Variants in RAPGEF6 observed in about 807,000 individuals in gnomAD.
RAPGEF6 encodes Rap guanine nucleotide exchange factor 6.
A neutral mutation model predicts 171.4 loss-of-function variants in RAPGEF6; 56 were observed. The ratio of observed to expected loss-of-function variants is 0.33; its 90% CI spans 0.26 to 0.41. RAPGEF6 has a LOEUF of 0.41. RAPGEF6 is among the 10% of genes least tolerant of loss of function. The pLI is 1.00. For synonymous variants in RAPGEF6, 692 were observed against 650.1 expected (o/e 1.06, Z -0.98); for missense variants, 1,674 against 1,921.4 (o/e 0.87, Z 2.41).
At chr5:131,554,568 G>A (rs554484478) in intron 5 of RAPGEF6, among the ~76,000 whole-genome samples, 42 of 152,204 alleles carry the variant, frequency 2.8e-4, no homozygotes, top group Non-Finnish European at 5.0e-4. Context: ...TGCCCAGGCT[G>A]GAGTGCAGTG....
rs1554079163 is a variant in RAPGEF6 at position 131,528,319 on chromosome 5, A to ATATATTTATATAT, written c.496-6799_496-6798insATATATAAATATA. Among the ~76,000 whole-genome samples, 129 of 49,776 alleles carry ATATATTTATATAT rather than the reference A, an allele frequency of 2.6e-3. 2 individuals carry two copies. Among genetic ancestry groups the ATATATTTATATAT allele is most frequent in the South Asian group, 4.6e-3 (7 of 1,530 alleles). 32.7% of individuals were successfully genotyped at this position (49,776 alleles called of 152,430 possible). ...ATAAAATAATATATTTATATTATAT[A>ATATATTTATATAT]TATATATATATATATATATACACAC... On this transcript the variant is annotated intron_variant, in intron 6 of 27. Transcript: ENST00000509018.
chr5:131,487,933 T>C (rs937749113), intron 15 of RAPGEF6, among the ~76,000 whole-genome samples: 2 of 152,198 alleles, frequency 1.3e-5, no homozygotes, highest in African/African-American at 4.8e-5. Flanking sequence ...CCTTTGTAAT[T>C]TAATAGATAA....
In RAPGEF6 at chr5:131,588,767, A is replaced by C. The variant is rs377545359; in HGVS notation, c.281+3616T>G. ...TAAAAAACAACAACAACAACAACAA[A>C]AACAATAAAGATTAATGGAAAACAG... On this transcript the variant is annotated intron_variant, in intron 4 of 27. Transcript: ENST00000509018. Among the ~76,000 whole-genome samples, 37 of 150,602 alleles carry C rather than the reference A, an allele frequency of 2.5e-4. No homozygotes were observed. The South Asian group carries it at 6.9e-3, about 28-fold the overall frequency.
intron 16 of RAPGEF6, among the ~76,000 whole-genome samples, chr5:131,473,518 T>A (rs1230550942): frequency 1.3e-5 from 2 of 152,250 alleles, no homozygotes; most frequent in Non-Finnish European, 2.9e-5. Flanking sequence ...AACAGTCCTA[T>A]AAAAACATAA....
At chr5:131,610,340 C>G (rs1469880048) in intron 1 of RAPGEF6, among the ~76,000 whole-genome samples, 1 of 152,162 alleles carries the variant, frequency 6.6e-6, no homozygotes, top group Non-Finnish European at 1.5e-5. Flanking sequence ...AAGTTTACAG[C>G]TGCCACCAGG....
At chr5:131,598,445 T>G (rs1764032394) in intron 3 of RAPGEF6, among the ~76,000 whole-genome samples, 1 of 152,180 alleles carries the variant, frequency 6.6e-6, no homozygotes, top group African/African-American at 2.4e-5. Context: ...AATCAGGGTA[T>G]CATGAAGATC....
At chr5:131,557,880 T>TG (rs1260734906) in intron 5 of RAPGEF6, among the ~76,000 whole-genome samples, 1 of 152,186 alleles carries the variant, frequency 6.6e-6, no homozygotes, top group Non-Finnish European at 1.5e-5. Context: ...TTTTATCCTC[T>TG]GTATGTATTA....
rs1329416418 is a variant in RAPGEF6 at position 131,611,389 on chromosome 5, G to T, written c.70-6696C>A. Among the ~76,000 whole-genome samples, 9 of 152,110 alleles carry T rather than the reference G, an allele frequency of 5.9e-5. No individual in the cohort carries two copies. In the East Asian group the frequency reaches 1.7e-3, roughly 29 times the overall value. ...GTATTTTTAAATAATGTCATGTTTG[G>T]CTGGGTGTGGTGGCTCACACCTGTA... On this transcript the variant is annotated intron_variant, in intron 1 of 27. Coordinates refer to ENST00000509018, the MANE Select transcript of RAPGEF6 (RefSeq NM_016340.6).
intron 4 of RAPGEF6, among the ~76,000 whole-genome samples, chr5:131,566,784 GC>G (rs1428018961): frequency 7.2e-6 from 1 of 139,150 alleles, no homozygotes; most frequent in Non-Finnish European, 1.6e-5. Context: ...TGCAAGATTT[GC>G]CCAATTTATT....
chr5:131,469,888 C>A (rs2149844528), intron 17 of RAPGEF6: 2 of 1,221,664 alleles, frequency 1.6e-6, no homozygotes, highest in East Asian at 2.6e-5. Flanking sequence ...TAGCTTTGCC[C>A]CCACTTTCAT....
chr5:131,591,143 T>C (rs192490765), intron 4 of RAPGEF6, among the ~76,000 whole-genome samples: 114 of 152,304 alleles, frequency 7.5e-4, no homozygotes, highest in South Asian at 6.2e-3. Flanking sequence ...AATTGAGATG[T>C]CCCATATCCT....
At position 131,431,321 on chromosome 5, in the gene RAPGEF6, T is replaced by C. The variant is rs748516040; in HGVS notation, c.4003A>G (p.Lys1335Glu). ...ACAGACGATGAGACAGCTAAACACT[T>C]GATTAGAGATGGCTTCAAGAGTGTC... ...GWTLLKPSLI[K>E]CLAVSSSVSN... The change falls in exon 26 of 28, where the codon AAG becomes GAG. Residue 1335 changes from lysine (K) to glutamate (E), a missense_variant. Lys to Glu is a moderately conservative substitution (Grantham distance 56, BLOSUM62 1). Around this residue, in one of 3 missense-constraint regions of RAPGEF6, gnomAD observed 552 missense variants for 574.2 expected, o/e 0.96. Transcript: ENST00000509018. The C allele has an allele frequency of 6.2e-7, 1 of 1,607,888 alleles. No homozygotes were observed. The highest frequency in any genetic ancestry group is 8.5e-7 in the Non-Finnish European group (1 of 1,174,800).
At chr5:131,532,146 A>G in intron 6 of RAPGEF6, 1 of 453,696 alleles carries the variant, frequency 2.2e-6, no homozygotes, top group Non-Finnish European at 4.4e-6. Flanking sequence ...AGCGAACAAG[A>G]AAAGCCATTT....
intron 14 of RAPGEF6, 62 bp from the exon 15 acceptor site, chr5:131,489,716 A>T: frequency 1.1e-6 from 1 of 871,036 alleles, no homozygotes; most frequent in East Asian, 2.9e-5. Context: ...CTACAACCTT[A>T]AAAGTTTAAT....
intron 19 of RAPGEF6, among the ~76,000 whole-genome samples, chr5:131,459,159 T>C (rs1046764640): frequency 6.6e-6 from 1 of 152,130 alleles, no homozygotes; most frequent in Non-Finnish European, 1.5e-5. Flanking sequence ...AGTGCAGACA[T>C]AAACCCAAAT....
chr5:131,631,779 T>C (rs1766321686), intron 1 of RAPGEF6, among the ~76,000 whole-genome samples: 1 of 151,920 alleles, frequency 6.6e-6, no homozygotes, highest in Non-Finnish European at 1.5e-5. Context: ...AGACCCTCTT[T>C]AAAAACAAAA....
At chr5:131,555,655 T>C (rs1761189807) in intron 5 of RAPGEF6, among the ~76,000 whole-genome samples, 1 of 151,994 alleles carries the variant, frequency 6.6e-6, no homozygotes, top group Non-Finnish European at 1.5e-5. Flanking sequence ...ACATATATAA[T>C]TGCTTTAAAT....
intron 1 of RAPGEF6, among the ~76,000 whole-genome samples, chr5:131,627,823 C>T (rs1766034658): frequency 6.6e-6 from 1 of 152,220 alleles, no homozygotes; most frequent in Middle Eastern, 3.4e-3. Context: ...TTCATGTCTC[C>T]GTGTCACATT....
chr5:131,583,845 C>A (rs569245449), intron 4 of RAPGEF6, among the ~76,000 whole-genome samples: 18 of 152,248 alleles, frequency 1.2e-4, no homozygotes, highest in African/African-American at 4.1e-4. Flanking sequence ...TGAGAGAACA[C>A]TGCATTAAGA....
Sources: gnomAD v4.1 joint callset for allele counts (sites outside exome capture counted in the v4.1 genomes callset) on GRCh38, gnomAD v4.1.1 for gene constraint, gnomAD v4.1.1 regional missense constraint, MANE v1.5 for transcripts, NCBI Gene and HGNC (gene_info 2026-07-23, HGNC 2026-07-21) for gene names.